SLC20A2: variants seen among roughly 807,000 people sequenced by gnomAD.
SLC20A2 encodes solute carrier family 20 member 2.
Under a neutral mutation model 61.0 loss-of-function variants are expected in SLC20A2, and 30 were observed. The ratio of observed to expected loss-of-function variants is 0.49; its 90% CI spans 0.37 to 0.67. The LOEUF (loss-of-function observed/expected upper bound fraction) is 0.67, where lower values mean the gene tolerates loss of function less well. Ranked by LOEUF, SLC20A2 falls within the 30% of genes least tolerant of loss-of-function variation. SLC20A2 has a pLI of 0.00. For synonymous variants in SLC20A2, 351 were observed against 353.3 expected (o/e 0.99, Z 0.07); for missense variants, 626 against 866.4 (o/e 0.72, Z 3.48).
intron 1 of SLC20A2, chr8:42,484,945 G>A: frequency 2.5e-6 from 1 of 394,516 alleles, no homozygotes; most frequent in South Asian, 2.0e-5. Context: ...GCCAAGAGGT[G>A]AACAGGGCAC....
chr8:42,468,968 G>C (rs1807406834), intron 2 of SLC20A2, among the ~76,000 whole-genome samples: 2 of 152,188 alleles, frequency 1.3e-5, no homozygotes, highest in Admixed American at 6.5e-5. Flanking sequence ...GACTTGTTCA[G>C]GACGTTTCAC....
intron 1 of SLC20A2, among the ~76,000 whole-genome samples, chr8:42,528,843 T>C (rs900900179): frequency 1.3e-5 from 2 of 151,938 alleles, no homozygotes; most frequent in Non-Finnish European, 2.9e-5. Context: ...ATTTTTGTAT[T>C]TTTAGTAGAA....
intron 1 of SLC20A2, among the ~76,000 whole-genome samples, chr8:42,487,559 A>C (rs1809133314): frequency 6.6e-6 from 1 of 152,092 alleles, no homozygotes; most frequent in African/African-American, 2.4e-5. Flanking sequence ...ATCGTGGCCC[A>C]CATTTCTCTG....
intron 1 of SLC20A2, among the ~76,000 whole-genome samples, chr8:42,479,425 T>G (rs1303773014): frequency 3.9e-5 from 6 of 152,026 alleles, no homozygotes; most frequent in Non-Finnish European, 2.9e-5. Flanking sequence ...CAAGGGTAAC[T>G]GTTATGTTAT....
intron 1 of SLC20A2, among the ~76,000 whole-genome samples, chr8:42,488,700 C>T (rs1415876199): frequency 6.6e-6 from 1 of 152,140 alleles, no homozygotes; most frequent in Non-Finnish European, 1.5e-5. Flanking sequence ...CCCTCATCAA[C>T]ACCTGTTATC....
At chr8:42,501,725 C>T (rs1331956182), upstream of SLC20A2, among the ~76,000 whole-genome samples, 1 of 152,196 alleles carries the variant, frequency 6.6e-6, no homozygotes, top group Admixed American at 6.5e-5. Context: ...CCCAAGGAGT[C>T]GCTATGAAGA....
At chr8:42,514,748 A>C (rs1179227597) in intron 1 of SLC20A2, among the ~76,000 whole-genome samples, 1 of 148,222 alleles carries the variant, frequency 6.7e-6, no homozygotes, top group African/African-American at 2.5e-5. Flanking sequence ...ATGGAGTAAT[A>C]CTCTGTTTGA....
At chr8:42,471,278 C>T (rs1807616800) in intron 2 of SLC20A2, 6 of 454,492 alleles carry the variant, frequency 1.3e-5, no homozygotes, top group Middle Eastern at 3.3e-4. Flanking sequence ...TCTGTCGTAG[C>T]GAGGGCAGTG....
At chr8:42,419,233 TAA>T (rs1802881937) in intron 10 of SLC20A2, among the ~76,000 whole-genome samples, 1 of 152,070 alleles carries the variant, frequency 6.6e-6, no homozygotes, top group Admixed American at 6.6e-5. Context: ...CCCCTTCTGC[TAA>T]AGATTTCACA....
At chr8:42,482,116 G>A (rs55840085) in intron 1 of SLC20A2, among the ~76,000 whole-genome samples, 60,700 of 152,018 alleles carry the variant, frequency 0.4, 12,345 homozygotes, top group African/African-American at 0.48. Context: ...AAAAGATTTC[G>A]AAGGTACGAC....
intron 10 of SLC20A2, among the ~76,000 whole-genome samples, chr8:42,425,979 T>C (rs1218873375): frequency 6.6e-6 from 1 of 151,944 alleles, no homozygotes; most frequent in Non-Finnish European, 1.5e-5. Flanking sequence ...GAGCTTGCAG[T>C]GAGTGGAGAT....
At chr8:42,537,402 A>C (rs1320917105) in intron 1 of SLC20A2, 1 of 154,280 alleles carries the variant, frequency 6.5e-6, no homozygotes, top group Non-Finnish European at 1.4e-5. Flanking sequence ...GATTCCACAA[A>C]AAGATAAAGC....
At chr8:42,532,181 A>G (rs1299392381) in intron 1 of SLC20A2, among the ~76,000 whole-genome samples, 1 of 152,126 alleles carries the variant, frequency 6.6e-6, no homozygotes, top group African/African-American at 2.4e-5. Context: ...AGGAGAATGT[A>G]AACTACAAAT....
At chr8:42,520,435 C>T (rs953595541) in intron 1 of SLC20A2, among the ~76,000 whole-genome samples, 2 of 60,074 alleles carry the variant, frequency 3.3e-5, no homozygotes, top group Non-Finnish European at 5.8e-5. Flanking sequence ...TTTAAAAGCC[C>T]GTTACTTGAG....
intron 1 of SLC20A2, among the ~76,000 whole-genome samples, chr8:42,477,781 C>A (rs1808239542): frequency 6.6e-6 from 1 of 151,330 alleles, no homozygotes; most frequent in South Asian, 2.1e-4. Flanking sequence ...TGGACAGGGA[C>A]TTTTTAAGGG....
chr8:42,501,496 A>C (rs537104437), upstream of SLC20A2: 6 of 152,250 alleles, frequency 3.9e-5, no homozygotes, highest in Non-Finnish European at 4.4e-5. Flanking sequence ...ACAAGGTGGC[A>C]GTGCTGTGTG....
intron 3 of SLC20A2, 102 bp downstream of exon 3, chr8:42,465,675 G>A (rs1346716328): frequency 8.4e-7 from 1 of 1,187,444 alleles, no homozygotes; most frequent in Non-Finnish European, 1.2e-6. Context: ...TGGCAACAGA[G>A]TGACACTCCG....
In SLC20A2 at chr8:42,439,458, G is replaced by A. The variant is rs2131021918; in HGVS notation, c.926C>T (p.Ala309Val). ...CTCCAGGCACATCTTACCGTATGCAGCCCGAGGGTGGCTGCCCGCAGAAGT... is the reference window on the plus strand; with the variant it reads ...CTCCAGGCACATCTTACCGTATGCAACCCGAGGGTGGCTGCCCGCAGAAGT... ...EGTSAGSHPR[A>V]AYGRALSMTH... Residue 309 changes from alanine to valine, a missense_variant, in exon 7 of 11, where the codon GCT becomes GTT. Around this residue, in one of 3 missense-constraint regions of SLC20A2, gnomAD observed 361 missense variants for 422.3 expected, o/e 0.85. Transcript: ENST00000520262. The A allele has an allele frequency of 6.2e-7, 1 of 1,613,328 alleles. No individual in the cohort carries two copies. The highest frequency in any genetic ancestry group is 2.2e-5 in the East Asian group (1 of 44,876).
Position 42,472,581 on chromosome 8 carries a change from T to C in SLC20A2, c.-191A>G. Reference sequence around the variant, plus strand: ...CAAACTACTGTCAGGACAGTTCATTTGGTTGTGTTCAGTCAGCGGTAAAAC... The same window carrying C: ...CAAACTACTGTCAGGACAGTTCATTCGGTTGTGTTCAGTCAGCGGTAAAAC... On this transcript the variant is annotated 5_prime_UTR_variant, in exon 2 of 11. Transcript: ENST00000520262. This position sits in a 1 kb window ranked among gnomAD's most constrained non-coding sequence, Gnocchi z 4.1. 1.7e-6 allele frequency: 1 copy of C among 581,756 alleles called. No homozygotes were observed. The allele number at this position is 581,756 out of a possible 1,614,324, so 36.0% of individuals were successfully genotyped here.
Sources: gnomAD v4.1 joint callset for allele counts (sites outside exome capture counted in the v4.1 genomes callset) on GRCh38, gnomAD v4.1.1 for gene constraint, gnomAD v4.1.1 regional missense constraint, Gnocchi (gnomAD v3.1) non-coding constraint, MANE v1.5 for transcripts, NCBI Gene and HGNC (gene_info 2026-07-23, HGNC 2026-07-21) for gene names.